The following COL21A1 variants were observed in gnomAD, a reference collection of about 807,000 sequenced individuals.
COL21A1 encodes the protein collagen alpha-1(XXI) chain.
Under a neutral mutation model 137.9 loss-of-function variants are expected in COL21A1, and 149 were observed. The observed-to-expected ratio is 1.08, with a 90% confidence interval of 0.95 to 1.24. COL21A1 has a LOEUF of 1.24. COL21A1 is among the 50% of genes most tolerant of loss of function. The probability of loss-of-function intolerance (pLI) is 0.00; values close to 1 mark genes in which losing one functional copy is unlikely to be tolerated. For missense variants in COL21A1, 1,167 were observed against 1,158.4 expected (o/e 1.01, Z -0.11); for synonymous variants, 456 against 391.5 (o/e 1.16, Z -1.95).
intron 1 of COL21A1, among the ~76,000 whole-genome samples, chr6:56,329,603 C>T (rs1040238269): frequency 1.3e-5 from 2 of 151,980 alleles, no homozygotes; most frequent in African/African-American, 4.8e-5. Context: ...CAGCTGAGAA[C>T]ATGCATGGAA....
chr6:56,126,411 A>G, intron 12 of COL21A1: 1 of 363,832 alleles, frequency 2.7e-6, no homozygotes, highest in Non-Finnish European at 5.0e-6. Flanking sequence ...GCCACCACCT[A>G]TTCTGAAAAA....
At chr6:56,296,808 A>G (rs1259994342) in intron 1 of COL21A1, among the ~76,000 whole-genome samples, 1 of 152,078 alleles carries the variant, frequency 6.6e-6, no homozygotes, top group African/African-American at 2.4e-5. Flanking sequence ...AAAACACTTG[A>G]GAAATCATGT....
chr6:56,356,202 T>C (rs771773119), intron 1 of COL21A1, among the ~76,000 whole-genome samples: 1 of 152,184 alleles, frequency 6.6e-6, no homozygotes, highest in African/African-American at 2.4e-5. Flanking sequence ...AGGCAGCTCA[T>C]GGAAGAGGCA....
intron 16 of COL21A1, among the ~76,000 whole-genome samples, chr6:56,108,287 CTT>C (rs1429171749): frequency 6.6e-5 from 10 of 151,906 alleles, no homozygotes; most frequent in Admixed American, 4.6e-4. Context: ...TGAAAATAGA[CTT>C]AATCTATTAA....
chr6:56,294,515 C>T (rs1043040896), intron 1 of COL21A1, among the ~76,000 whole-genome samples: 2 of 151,996 alleles, frequency 1.3e-5, no homozygotes, highest in Non-Finnish European at 2.9e-5. Flanking sequence ...TATATTTTCA[C>T]CTATTTTTAA....
At chr6:56,239,965 G>T (rs1782175039) in intron 1 of COL21A1, among the ~76,000 whole-genome samples, 1 of 152,078 alleles carries the variant, frequency 6.6e-6, no homozygotes, top group African/African-American at 2.4e-5. Context: ...GGAGATAATT[G>T]AATCATGGGG....
intron 1 of COL21A1, among the ~76,000 whole-genome samples, chr6:56,226,071 A>G (rs1488625197): frequency 6.6e-6 from 1 of 152,104 alleles, no homozygotes; most frequent in Non-Finnish European, 1.5e-5. Flanking sequence ...GAGTACAAAT[A>G]GTACATAGAA....
chr6:56,247,124 A>G lies in COL21A1; in HGVS notation c.-39+263T>C, dbSNP rs1006479261. Among the ~76,000 whole-genome samples the G allele has an allele frequency of 3.9e-5, 6 of 152,198 alleles. No homozygotes were observed. In the East Asian group the frequency reaches 7.7e-4, roughly 20 times the overall value. On this transcript the variant is annotated intron_variant, in intron 1 of 29. Transcript: ENST00000244728. ...ACGCACGTTATCGTACTCAGAAGCCAAACACTCCAAGGCAGGAATCTGCAC... is the reference window on the plus strand; with the variant it reads ...ACGCACGTTATCGTACTCAGAAGCCGAACACTCCAAGGCAGGAATCTGCAC...
intron 5 of COL21A1, among the ~76,000 whole-genome samples, chr6:56,169,522 T>A (rs1776861449): frequency 6.6e-6 from 1 of 151,964 alleles, no homozygotes; most frequent in Non-Finnish European, 1.5e-5. Flanking sequence ...TACACCTAGA[T>A]AGCTTTTTCT....
At chr6:56,337,274 C>G (rs1371221981) in intron 1 of COL21A1, among the ~76,000 whole-genome samples, 2 of 152,172 alleles carry the variant, frequency 1.3e-5, no homozygotes, top group African/African-American at 4.8e-5. Context: ...GCTGTATCAA[C>G]AGCAACTTCT....
In COL21A1 at chr6:56,238,430, T is replaced by TAAAAA. The variant is rs548005509; in HGVS notation, c.-39+8952_-39+8956dup. Among the ~76,000 whole-genome samples, 595 of 91,482 alleles carry TAAAAA rather than the reference T, an allele frequency of 6.5e-3. 13 individuals are homozygous for TAAAAA. The highest frequency in any genetic ancestry group is 0.023 in the African/African-American group (568 of 24,508). The allele number at this position is 91,482 out of a possible 152,430, so 60.0% of individuals were successfully genotyped here. ...ATGCTGAAACTCGGGGCAGTCTTCT[T>TAAAAA]AAAAAAAAAAAAAAAAAAAAAGCCT... On this transcript the variant is annotated intron_variant, in intron 1 of 29. Transcript: ENST00000244728.
rs6920964 is a variant in COL21A1 at position 56,356,438 on chromosome 6, C to T, written c.-39+37533G>A. On this transcript the variant is annotated intron_variant, in intron 1 of 28. Transcript: ENST00000370819. ...AGGGGTACTCACTCCCCTCTGCCCC[C>T]CAAAGAGACAAAAAGATATTACTTC... Among the ~76,000 whole-genome samples, 801 of 152,024 alleles carry T rather than the reference C, an allele frequency of 5.3e-3. 4 individuals are homozygous for T. The highest frequency in any genetic ancestry group is 0.041 in the Middle Eastern group (12 of 294).
At chr6:56,192,252 A>G (rs1048239872) in intron 1 of COL21A1, among the ~76,000 whole-genome samples, 1 of 152,230 alleles carries the variant, frequency 6.6e-6, no homozygotes, top group African/African-American at 2.4e-5. Context: ...AAATCCCAGA[A>G]GAAAACCTAG....
chr6:56,124,154 C>G (rs1772807434), intron 15 of COL21A1, 39 bp from the exon 16 acceptor site: 10 of 1,531,398 alleles, frequency 6.5e-6, no homozygotes, highest in Non-Finnish European at 8.8e-6. Flanking sequence ...TATTTTTGCA[C>G]TAATTTTTTC....
intron 1 of COL21A1, among the ~76,000 whole-genome samples, chr6:56,374,569 A>G (rs1451071220): frequency 6.6e-6 from 1 of 151,960 alleles, no homozygotes; most frequent in Non-Finnish European, 1.5e-5. Flanking sequence ...CTGAAACTAC[A>G]AAATTAGCTG....
intron 1 of COL21A1, among the ~76,000 whole-genome samples, chr6:56,322,159 C>T (rs188270926): frequency 1.5e-4 from 23 of 152,142 alleles, no homozygotes; most frequent in African/African-American, 5.5e-4. Flanking sequence ...TGAATCCAGG[C>T]GAAACCATTG....
intron 1 of COL21A1, among the ~76,000 whole-genome samples, chr6:56,321,157 T>G (rs964882263): frequency 2.0e-5 from 3 of 152,212 alleles, no homozygotes; most frequent in African/African-American, 7.2e-5. Flanking sequence ...CAATTCCCCA[T>G]GGGTCTCTCA....
chr6:56,073,065 CCT>C (rs1766896380), intron 20 of COL21A1, among the ~76,000 whole-genome samples: 1 of 150,926 alleles, frequency 6.6e-6, no homozygotes, highest in East Asian at 2.0e-4. Context: ...ATACAATTGA[CCT>C]TCAACACAGT....
At chr6:56,215,337 T>C (rs1194825358) in intron 1 of COL21A1, among the ~76,000 whole-genome samples, 3 of 152,038 alleles carry the variant, frequency 2.0e-5, no homozygotes, top group Non-Finnish European at 4.4e-5. Flanking sequence ...GGAAACCTTA[T>C]CCTGCAGCTG....
Sources: gnomAD v4.1 joint callset for allele counts (sites outside exome capture counted in the v4.1 genomes callset) on GRCh38, gnomAD v4.1.1 for gene constraint, MANE v1.5 for transcripts, NCBI Gene and HGNC (gene_info 2026-07-23, HGNC 2026-07-21) for gene names.